The following TIAM1 variants were observed in gnomAD, a reference collection of about 807,000 sequenced individuals.
TIAM1 encodes rho guanine nucleotide exchange factor TIAM1.
In TIAM1, 65 loss-of-function variants were observed where a neutral mutation model predicts 163.5. The ratio of observed to expected loss-of-function variants is 0.40; its 90% confidence interval spans 0.33 to 0.49. The LOEUF (loss-of-function observed/expected upper bound fraction) is 0.49. TIAM1 is among the 20% of genes least tolerant of loss of function. The probability of loss-of-function intolerance (pLI) is 0.77; values close to 1 mark genes in which losing one functional copy is unlikely to be tolerated. For synonymous variants in TIAM1, 833 were observed against 810.1 expected (o/e 1.03, Z -0.48); for missense variants, 1,789 against 2,044.7 (o/e 0.87, Z 2.41).
intron 2 of TIAM1, among the ~76,000 whole-genome samples, chr21:31,337,251 A>C (rs1377869672): frequency 6.6e-6 from 1 of 152,066 alleles, no homozygotes; most frequent in Non-Finnish European, 1.5e-5. Flanking sequence ...GGGCAAGATA[A>C]GACCTCAGCC....
intron 1 of TIAM1, among the ~76,000 whole-genome samples, chr21:31,501,100 C>G (rs963722977): frequency 2.6e-5 from 4 of 152,108 alleles, no homozygotes; most frequent in Non-Finnish European, 5.9e-5. Flanking sequence ...CTCCTCCTCC[C>G]TGCCCCTCTC....
chr21:31,276,186 C>A (rs937645015), intron 3 of TIAM1, among the ~76,000 whole-genome samples: 1 of 152,084 alleles, frequency 6.6e-6, no homozygotes, highest in South Asian at 2.1e-4. Context: ...TAAATTGAGA[C>A]GAAGTTCTGA....
At chr21:31,214,342 A>T (rs2087055059) in intron 9 of TIAM1, among the ~76,000 whole-genome samples, 1 of 152,020 alleles carries the variant, frequency 6.6e-6, no homozygotes, top group African/African-American at 2.4e-5. Context: ...ACAAAAAAAT[A>T]AAAAACCAGA....
rs2081924352 is a variant in TIAM1, at chr21:31,119,519, G to C, written c.*849C>G. 6.6e-6 allele frequency: 1 copy of C among 151,796 alleles called. No homozygotes were observed. The highest frequency in any genetic ancestry group is 1.5e-5 in the Non-Finnish European group (1 of 67,964). The allele number at this position is 151,796 out of a possible 1,614,324, so 9.4% of individuals were successfully genotyped here. On this transcript the variant is annotated 3_prime_UTR_variant, in exon 28 of 28. Transcript: ENST00000541036. Reference sequence around the variant, plus strand: ...GAAGAAAAGTATATCCTTCGCATGAGCTTGCTGGCCTTTCATATATAAATA... The same window carrying C: ...GAAGAAAAGTATATCCTTCGCATGACCTTGCTGGCCTTTCATATATAAATA...
chr21:31,166,702 G>T (rs1013062908), intron 15 of TIAM1, among the ~76,000 whole-genome samples: 4 of 152,252 alleles, frequency 2.6e-5, no homozygotes, highest in African/African-American at 9.6e-5. Context: ...AGGAAGCTCA[G>T]TTAACTTGGC....
At chr21:31,185,549 TTATATATTAATA>T (rs1172242282) in intron 14 of TIAM1, among the ~76,000 whole-genome samples, 1 of 130,186 alleles carries the variant, frequency 7.7e-6, no homozygotes, top group East Asian at 2.1e-4. Context: ...CCATTATATA[TTATATATTAATA>T]TAATATATTA....
intron 27 of TIAM1, among the ~76,000 whole-genome samples, chr21:31,122,088 G>T (rs1174105371): frequency 6.6e-6 from 1 of 152,166 alleles, no homozygotes; most frequent in African/African-American, 2.4e-5. Flanking sequence ...CAGGGTTAGA[G>T]TGGTCAACGA....
chr21:31,182,405 C>G lies in TIAM1; in HGVS notation c.2887+16G>C, dbSNP rs777515394. ...ACGGAGTTCAGACTCGCCCCCAGCA[C>G]CCTGCACAGCCATACCTGGGTTGCT... On this transcript the variant is annotated intron_variant, in intron 15 of 27. Coordinates refer to ENST00000541036, the MANE Select transcript of TIAM1 (RefSeq NM_001353694.2). The G allele has an allele frequency of 6.6e-7, 1 of 1,526,344 alleles. No homozygotes were observed. The allele number at this position is 1,526,344 out of a possible 1,614,324, so 94.6% of individuals were successfully genotyped here.
chr21:31,255,172 G>A (rs2072027601), intron 4 of TIAM1, among the ~76,000 whole-genome samples: 1 of 152,226 alleles, frequency 6.6e-6, no homozygotes, highest in Non-Finnish European at 1.5e-5. Flanking sequence ...GAGCTTGCAT[G>A]CTTTGGAAGC....
chr21:31,186,182 T>C (rs2085293831), intron 14 of TIAM1, among the ~76,000 whole-genome samples: 1 of 152,170 alleles, frequency 6.6e-6, no homozygotes, highest in African/African-American at 2.4e-5. Flanking sequence ...AGGGCTAAAA[T>C]GAAACAGGCA....
At chr21:31,486,422 C>T (rs2046274038) in intron 1 of TIAM1, among the ~76,000 whole-genome samples, 2 of 152,398 alleles carry the variant, frequency 1.3e-5, no homozygotes, top group South Asian at 4.1e-4. Flanking sequence ...TGTCCTGCAT[C>T]ATCCTACAGG....
At chr21:31,330,820 C>T (rs891874132) in intron 2 of TIAM1, among the ~76,000 whole-genome samples, 1 of 152,118 alleles carries the variant, frequency 6.6e-6, no homozygotes, top group South Asian at 2.1e-4. Context: ...GAAAGTCCCT[C>T]TTTCTAAGAA....
At position 31,183,688 on chromosome 21, in the gene TIAM1, C is replaced by G. The variant is rs551190653; in HGVS notation, c.2663-1043G>C. ...ATCCTTATTCAGGTTTCTAAAATAT[C>G]TGAAATCATTTTTTTTTTTTTTTTG... On this transcript the variant is annotated intron_variant, in intron 14 of 27. Transcript: ENST00000541036. 3.3e-5 allele frequency among the ~76,000 whole-genome samples: 5 copies of G among 151,910 alleles called. No homozygotes were observed. In the East Asian group the frequency reaches 9.7e-4, roughly 29 times the overall value.
chr21:31,223,209 C>CA (rs1450313441), intron 8 of TIAM1, among the ~76,000 whole-genome samples, 197 bp downstream of exon 8: 1 of 144,396 alleles, frequency 6.9e-6, no homozygotes, highest in Non-Finnish European at 1.5e-5. Flanking sequence ...TAGGCCCCCC[C>CA]ATCAAGAGAT....
intron 1 of TIAM1, among the ~76,000 whole-genome samples, chr21:31,341,493 C>CAAGGTAAATCTGT (rs1276352956): frequency 1.3e-5 from 2 of 152,186 alleles, no homozygotes; most frequent in Non-Finnish European, 2.9e-5. Context: ...TGCTGTCGTA[C>CAAGGTAAATCTGT]AAGGTAAATC....
chr21:31,313,876 A>T (rs1479321770), intron 2 of TIAM1, among the ~76,000 whole-genome samples: 1 of 152,166 alleles, frequency 6.6e-6, no homozygotes, highest in Non-Finnish European at 1.5e-5. Context: ...TGTGCTCAGC[A>T]CACTTTTTTA....
intron 4 of TIAM1, among the ~76,000 whole-genome samples, chr21:31,261,274 T>TC (rs1296865203): frequency 1.3e-5 from 2 of 150,434 alleles, no homozygotes; most frequent in African/African-American, 5.0e-5. Flanking sequence ...TTTTTTTTTT[T>TC]TTTGTATCTG....
intron 2 of TIAM1, among the ~76,000 whole-genome samples, chr21:31,392,167 T>TA (rs1156840451): frequency 6.6e-6 from 1 of 152,226 alleles, no homozygotes; most frequent in African/African-American, 2.4e-5. Context: ...ACGATGGGTT[T>TA]ACTGAGTCAT....
chr21:31,474,849 C>T (rs1045060247), intron 1 of TIAM1, among the ~76,000 whole-genome samples: 2 of 151,650 alleles, frequency 1.3e-5, no homozygotes, highest in African/African-American at 4.8e-5. Context: ...CAACCTTTAG[C>T]CTTTATTATT....
Sources: allele counts gnomAD v4.1 joint callset (sites outside exome capture counted in the v4.1 genomes callset), GRCh38; gene constraint gnomAD v4.1.1; transcripts MANE v1.5; gene names NCBI Gene and HGNC (gene_info 2026-07-23, HGNC 2026-07-21).